The following RBPMS variants were observed in gnomAD, a reference collection of about 807,000 sequenced individuals.
RBPMS encodes RNA binding protein, mRNA processing factor.
In RBPMS, 7 loss-of-function variants were observed where a neutral mutation model predicts 26.8. That is an observed-to-expected ratio of 0.26 (90% CI 0.15 to 0.49). RBPMS has a LOEUF of 0.49. Ranked by LOEUF, RBPMS falls within the 20% of genes least tolerant of loss-of-function variation. RBPMS has a pLI of 0.98. For synonymous variants in RBPMS, 96 were observed against 93.3 expected, an observed-to-expected ratio of 1.03 and a Z score of -0.17; for missense variants, 186 against 250.0, an observed-to-expected ratio of 0.74 and a Z score of 1.73.
In RBPMS at chr8:30,486,368, A is replaced by AC. The variant is rs200718055; in HGVS notation, c.246+6991_246+6992insC. Among the ~76,000 whole-genome samples the AC allele has an allele frequency of 4.8e-3, 476 of 98,720 alleles. 5 individuals carry two copies. The highest frequency in any genetic ancestry group is 0.013 in the African/African-American group (451 of 34,184). 64.8% of individuals were successfully genotyped at this position (98,720 alleles called of 152,430 possible). ...TAAATAAATAAATAAATAACATAAA[A>AC]AAAAAACAAAAAACAGGGTTCAGCC... is the stretch of plus-strand genomic sequence containing the variant. On this transcript the variant is annotated intron_variant, in intron 4 of 8. Transcript: ENST00000397323.
At chr8:30,560,971 T>C (rs1827421418) in intron 7 of RBPMS, among the ~76,000 whole-genome samples, 1 of 152,240 alleles carries the variant, frequency 6.6e-6, no homozygotes, top group Non-Finnish European at 1.5e-5. Flanking sequence ...GTAGCTTTTC[T>C]TGTACTACTT....
In RBPMS at chr8:30,533,576, G is replaced by A. The variant is rs563116211; in HGVS notation, c.398-10918G>A. On this transcript the variant is annotated intron_variant, in intron 5 of 8. Coordinates refer to ENST00000397323, the MANE Select transcript of RBPMS (RefSeq NM_001008710.3). ...GCAGTAAAAGACTTTTCATATTCAAGTGTGATTGATCTAGCCTGGCTTAAA... is the reference window on the plus strand; with the variant it reads ...GCAGTAAAAGACTTTTCATATTCAAATGTGATTGATCTAGCCTGGCTTAAA... 6.8e-4 allele frequency among the ~76,000 whole-genome samples: 104 copies of A among 152,246 alleles called. 3 individuals are homozygous for A. The highest frequency in any genetic ancestry group is 6.8e-3 in the Middle Eastern group (2 of 294).
chr8:30,527,840 T>A (rs774159956), intron 5 of RBPMS, among the ~76,000 whole-genome samples: 19 of 152,162 alleles, frequency 1.2e-4, no homozygotes, highest in Admixed American at 2.6e-4. Context: ...GCAGTCCCTT[T>A]TCTTGTTTCA....
intron 4 of RBPMS, among the ~76,000 whole-genome samples, chr8:30,502,276 G>GCTGGT (rs1417783387): frequency 6.6e-6 from 1 of 151,984 alleles, no homozygotes; most frequent in Non-Finnish European, 1.5e-5. Context: ...GCATGTTTTA[G>GCTGGT]GACTCAAGCC....
At chr8:30,450,319 G>A (rs1400840274) in intron 1 of RBPMS, among the ~76,000 whole-genome samples, 1 of 152,224 alleles carries the variant, frequency 6.6e-6, no homozygotes, top group Non-Finnish European at 1.5e-5. Context: ...AATTCAGCAT[G>A]AGATGGATTT....
intron 1 of RBPMS, among the ~76,000 whole-genome samples, chr8:30,416,675 G>T (rs960593106): frequency 6.6e-6 from 1 of 152,112 alleles, no homozygotes; most frequent in African/African-American, 2.4e-5. Context: ...GGGTTTCACC[G>T]TGTTAGCCAG....
At chr8:30,561,569 G>C (rs1047708728) in intron 7 of RBPMS, among the ~76,000 whole-genome samples, 3 of 152,194 alleles carry the variant, frequency 2.0e-5, no homozygotes, top group African/African-American at 7.2e-5. Context: ...GACCGTTGAG[G>C]AAGTTGGTGA....
At chr8:30,509,930 A>C (rs1163907741) in intron 5 of RBPMS, among the ~76,000 whole-genome samples, 1 of 152,224 alleles carries the variant, frequency 6.6e-6, no homozygotes, top group Non-Finnish European at 1.5e-5. Context: ...GACAATCACC[A>C]TTAACAATTT....
At chr8:30,519,458 C>CT (rs36017963) in intron 5 of RBPMS, among the ~76,000 whole-genome samples, 4 of 89,492 alleles carry the variant, frequency 4.5e-5, no homozygotes, top group African/African-American at 1.7e-4. Context: ...GGATCTCTCT[C>CT]TTTTTTTTTT....
At chr8:30,413,699 G>T (rs1045995542) in intron 1 of RBPMS, among the ~76,000 whole-genome samples, 10 of 151,490 alleles carry the variant, frequency 6.6e-5, no homozygotes, top group Admixed American at 6.6e-4. Context: ...TGCAACCTCC[G>T]CCTCCCCAGG....
At chr8:30,444,814 A>T (rs1813545153) in intron 1 of RBPMS, 1 of 152,210 alleles carries the variant, frequency 6.6e-6, no homozygotes, top group Admixed American at 6.5e-5. Context: ...AAGATTTCAG[A>T]TAAGTTCTAA....
chr8:30,494,818 G>GT (rs767199465), intron 4 of RBPMS, among the ~76,000 whole-genome samples: 2 of 152,148 alleles, frequency 1.3e-5, no homozygotes, highest in Admixed American at 6.5e-5. Context: ...ATCCTTCTAG[G>GT]TTCGGGGGCA....
intron 7 of RBPMS, among the ~76,000 whole-genome samples, chr8:30,559,666 G>A (rs1276490548): frequency 1.3e-5 from 2 of 152,222 alleles, no homozygotes; most frequent in African/African-American, 2.4e-5. Context: ...TGAATTTGGA[G>A]AGTCTACTTA....
intron 1 of RBPMS, among the ~76,000 whole-genome samples, chr8:30,432,614 A>C (rs1812054793): frequency 6.6e-6 from 1 of 152,222 alleles, no homozygotes; most frequent in Non-Finnish European, 1.5e-5. Flanking sequence ...AAAGATGCTT[A>C]TATTAAAATC....
intron 1 of RBPMS, among the ~76,000 whole-genome samples, chr8:30,431,512 T>C (rs1406560642): frequency 1.3e-5 from 2 of 151,914 alleles, no homozygotes; most frequent in African/African-American, 4.8e-5. Flanking sequence ...TGGAGTACAG[T>C]GGTGTGATCT....
At chr8:30,519,741 C>T (rs55665388) in intron 5 of RBPMS, among the ~76,000 whole-genome samples, 37,375 of 151,974 alleles carry the variant, frequency 0.25, 4,935 homozygotes, top group East Asian at 0.4. Flanking sequence ...GATCTGCCCA[C>T]CTCGGCCTCC....
intron 4 of RBPMS, among the ~76,000 whole-genome samples, chr8:30,502,091 G>A (rs544260412): frequency 2.6e-5 from 4 of 151,722 alleles, no homozygotes; most frequent in South Asian, 4.2e-4. Flanking sequence ...CTAAGCCTCC[G>A]GCCTCTGAAT....
intron 5 of RBPMS, among the ~76,000 whole-genome samples, chr8:30,541,473 G>A (rs970934407): frequency 6.6e-6 from 1 of 152,174 alleles, no homozygotes; most frequent in Non-Finnish European, 1.5e-5. Context: ...AAAAAGAAAA[G>A]ATGTAGCCAG....
Position 30,459,758 on chromosome 8 carries a change from A to G in RBPMS, c.67-15021A>G, listed in dbSNP as rs141325561. 1.1e-4 allele frequency among the ~76,000 whole-genome samples: 17 copies of G among 152,352 alleles called. No individual in the cohort carries two copies. The East Asian group carries it at 2.5e-3, about 22-fold the overall frequency. On this transcript the variant is annotated intron_variant, in intron 1 of 8. Transcript: ENST00000397323. ...TTTAATGGTCTTTTCCTCCCATTAT[A>G]GTCATTAAAAATTTATACAGTGCCA...
Sources: allele counts gnomAD v4.1 joint callset (sites outside exome capture counted in the v4.1 genomes callset), GRCh38; gene constraint gnomAD v4.1.1; transcripts MANE v1.5; gene names NCBI Gene and HGNC (gene_info 2026-07-23, HGNC 2026-07-21).